The following IL1RAPL2 variants were observed in gnomAD, a reference collection of about 807,000 sequenced individuals.
IL1RAPL2 encodes the protein X-linked interleukin-1 receptor accessory protein-like 2.
In IL1RAPL2, 3 loss-of-function variants were observed where a neutral mutation model predicts 44.1. The ratio of observed to expected loss-of-function variants is 0.07; its 90% CI spans 0.03 to 0.18. The LOEUF (loss-of-function observed/expected upper bound fraction) is 0.18, where lower values mean the gene tolerates loss of function less well. Ranked by LOEUF, IL1RAPL2 falls within the 10% of genes least tolerant of loss-of-function variation. The probability of loss-of-function intolerance (pLI) is 1.00; values close to 1 mark genes in which losing one functional copy is unlikely to be tolerated. For missense variants in IL1RAPL2, 391 were observed against 496.4 expected, an observed-to-expected ratio of 0.79 and a Z score of 2.02; for synonymous variants, 181 against 178.8, an observed-to-expected ratio of 1.01 and a Z score of -0.10.
intron 4 of IL1RAPL2, among the ~76,000 whole-genome samples, chrX:105,242,013 G>A (rs1556208784): frequency 8.9e-6 from 1 of 111,997 alleles, no homozygotes; most frequent in African/African-American, 3.2e-5. Flanking sequence ...AACCCGGTAA[G>A]GAAGTGATTT....
At chrX:105,193,629 T>C (rs939187167) in intron 2 of IL1RAPL2, among the ~76,000 whole-genome samples, 8 of 111,818 alleles carry the variant, frequency 7.2e-5, no homozygotes, top group Non-Finnish European at 1.1e-4. Context: ...TTCTTGAAAG[T>C]TTTGCAGTGA....
At chrX:105,159,588 T>C (rs776781875) in intron 2 of IL1RAPL2, among the ~76,000 whole-genome samples, 26 of 112,612 alleles carry the variant, frequency 2.3e-4, no homozygotes, top group Non-Finnish European at 4.3e-4. Context: ...TAAGAGGTCC[T>C]GAATCTCATA....
intron 2 of IL1RAPL2, among the ~76,000 whole-genome samples, chrX:105,121,213 T>C (rs1256740267): frequency 1.8e-5 from 2 of 112,041 alleles, no homozygotes; most frequent in African/African-American, 6.5e-5. Flanking sequence ...TAGATAAAAA[T>C]GATTCAATTA....
At chrX:104,752,754 C>T (rs767952782) in intron 2 of IL1RAPL2, among the ~76,000 whole-genome samples, 1 of 110,614 alleles carries the variant, frequency 9.0e-6, no homozygotes, top group African/African-American at 3.3e-5. Context: ...TGATCACCTT[C>T]GTTATCTGCA....
intron 6 of IL1RAPL2, among the ~76,000 whole-genome samples, chrX:105,510,979 C>A (rs2036465800): frequency 1.8e-5 from 2 of 111,558 alleles, no homozygotes; most frequent in African/African-American, 6.5e-5. Flanking sequence ...GAATGCACTG[C>A]ACTGAAAGAG....
At chrX:104,620,933 TATA>T (rs960111888) in intron 1 of IL1RAPL2, among the ~76,000 whole-genome samples, 80 of 102,431 alleles carry the variant, frequency 7.8e-4, no homozygotes, top group South Asian at 6.6e-3. Context: ...CTATAATTTA[TATA>T]ATAATATAAT....
At chrX:105,728,702 T>G (rs1283362157) in intron 7 of IL1RAPL2, among the ~76,000 whole-genome samples, 3 of 111,250 alleles carry the variant, frequency 2.7e-5, no homozygotes, top group African/African-American at 9.8e-5. Context: ...TTATTACAAT[T>G]AATGAAACAC....
chrX:104,710,770 A>G lies in IL1RAPL2; in HGVS notation c.82+51775A>G, dbSNP rs779630697. 4.5e-5 allele frequency among the ~76,000 whole-genome samples: 5 copies of G among 111,533 alleles called. No homozygotes were observed. The South Asian group carries it at 1.1e-3, about 25-fold the overall frequency. The stretch of plus-strand genomic sequence containing the variant: ...CCTATCATCTAGAAAAGTCATAGCC[A>G]TAATAGCACAATGCATTCCTCACCT... On this transcript the variant is annotated intron_variant, in intron 2 of 10. Coordinates refer to ENST00000372582, the MANE Select transcript of IL1RAPL2 (RefSeq NM_017416.2).
chrX:104,642,494 T>C (rs978754483), intron 1 of IL1RAPL2, among the ~76,000 whole-genome samples: 2 of 108,218 alleles, frequency 1.8e-5, no homozygotes, highest in South Asian at 3.9e-4. Flanking sequence ...ATTCTTTTCT[T>C]TTTTTTTTTG....
chrX:105,107,539 C>A (rs1216117005), intron 2 of IL1RAPL2, among the ~76,000 whole-genome samples: 2 of 111,706 alleles, frequency 1.8e-5, no homozygotes, highest in African/African-American at 6.5e-5. Flanking sequence ...GATATCAAAG[C>A]AATTTTGTGA....
At chrX:105,377,380 G>C (rs1286367790) in intron 5 of IL1RAPL2, among the ~76,000 whole-genome samples, 1 of 109,505 alleles carries the variant, frequency 9.1e-6, no homozygotes, top group Non-Finnish European at 1.9e-5. Context: ...CTGTGTGTGT[G>C]TGTGTGTGTG....
intron 5 of IL1RAPL2, among the ~76,000 whole-genome samples, chrX:105,311,381 A>G (rs1439980591): frequency 9.4e-6 from 1 of 106,529 alleles, no homozygotes; most frequent in East Asian, 3.0e-4. Context: ...TTTTCCCTTC[A>G]TGCTTTCTTC....
In IL1RAPL2 at chrX:105,767,533, C is replaced by G; in HGVS notation, c.1933C>G (p.Pro645Ala). 1 of 1,210,047 alleles carries G rather than the reference C, an allele frequency of 8.3e-7. No homozygotes were observed. Among genetic ancestry groups the G allele is most frequent in the South Asian group, 1.8e-5 (1 of 56,939 alleles). The change falls in exon 11 of 11, where the codon CCT (proline) becomes GCT (alanine). Residue 645 changes from proline to alanine, a missense_variant. By Grantham distance (27) the Pro-to-Ala change is conservative. This residue lies in a region of IL1RAPL2 where 232 missense variants were observed against 244.8 expected (regional missense o/e 0.95). Coordinates refer to ENST00000372582, the MANE Select transcript of IL1RAPL2 (RefSeq NM_017416.2). ...LGNHHTYCNL[P>A]LTLLNGQLPL... ...CAACCACCATACTTATTGTAACCTGCCTCTGACGCTACTCAACGGACAGCT... is the reference window on the plus strand; with the variant it reads ...CAACCACCATACTTATTGTAACCTGGCTCTGACGCTACTCAACGGACAGCT...
chrX:104,899,614 C>A (rs1429005845), intron 2 of IL1RAPL2, among the ~76,000 whole-genome samples: 3 of 111,304 alleles, frequency 2.7e-5, no homozygotes, highest in Non-Finnish European at 3.8e-5. Flanking sequence ...GTGCTCTTTT[C>A]TTTTTCTTTC....
intron 1 of IL1RAPL2, among the ~76,000 whole-genome samples, chrX:104,624,061 T>A (rs1445224523): frequency 8.9e-6 from 1 of 111,744 alleles, no homozygotes; most frequent in East Asian, 2.8e-4. Flanking sequence ...CCCTGCAGAT[T>A]CTCTTAGCTT....
chrX:104,751,942 A>G (rs866888285), intron 2 of IL1RAPL2, among the ~76,000 whole-genome samples: 3 of 110,905 alleles, frequency 2.7e-5, no homozygotes, highest in African/African-American at 9.8e-5. Context: ...AAATTTTTCT[A>G]TTGTTGTTCC....
At chrX:105,705,531 T>G in intron 6 of IL1RAPL2, among the ~76,000 whole-genome samples, 1 of 110,951 alleles carries the variant, frequency 9.0e-6, no homozygotes. Flanking sequence ...GAGATGGGTG[T>G]AACAGAACAA....
intron 2 of IL1RAPL2, among the ~76,000 whole-genome samples, chrX:104,660,890 G>A (rs886324073): frequency 2.9e-5 from 3 of 103,921 alleles, no homozygotes; most frequent in Non-Finnish European, 5.8e-5. Flanking sequence ...CCGAGATCAT[G>A]CCACTGCACT....
intron 2 of IL1RAPL2, among the ~76,000 whole-genome samples, chrX:104,882,540 C>T (rs1045829546): frequency 9.0e-6 from 1 of 111,500 alleles, no homozygotes; most frequent in Non-Finnish European, 1.9e-5. Flanking sequence ...TGTAAACACA[C>T]CAATCAGTGC....
Sources: gnomAD v4.1 joint callset for allele counts (sites outside exome capture counted in the v4.1 genomes callset) on GRCh38, gnomAD v4.1.1 for gene constraint, gnomAD v4.1.1 regional missense constraint, MANE v1.5 for transcripts, NCBI Gene and HGNC (gene_info 2026-07-23, HGNC 2026-07-21) for gene names.